Variants in NUP85 observed in about 807,000 individuals in gnomAD.
NUP85 encodes the protein nuclear pore complex protein Nup85.
Under a neutral mutation model 92.8 loss-of-function variants are expected in NUP85, and 23 were observed. The ratio of observed to expected loss-of-function variants is 0.25; its 90% confidence interval spans 0.18 to 0.35. The LOEUF is 0.35. NUP85 is among the 10% of genes least tolerant of loss of function. The pLI is 1.00. For missense variants in NUP85, 759 were observed against 822.8 expected (o/e 0.92, Z 0.95); for synonymous variants, 314 against 306.9 (o/e 1.02, Z -0.24).
Position 75,208,440 on chromosome 17 carries a change from CAAAAAAAAAAAAAAA to C in NUP85, c.34-79_34-65del, listed in dbSNP as rs10579016. The C allele has an allele frequency of 6.9e-6, 4 of 577,186 alleles. No homozygotes were observed. In the South Asian group the frequency reaches 7.1e-5, roughly 10 times the overall value. 35.8% of individuals were successfully genotyped at this position (577,186 alleles called of 1,614,324 possible). On this transcript the variant is annotated intron_variant, in intron 1 of 18. Coordinates refer to ENST00000245544, the MANE Select transcript of NUP85 (RefSeq NM_024844.5). ...AGCCTGTTAGAGTGAGTCTTTGTCT[CAAAAAAAAAAAAAAA>C]AAAAAAAGAATGGAACAACTTCAGT...
chr17:75,212,247 GTTTTTTTTT>G (rs1219393857), intron 4 of NUP85, among the ~76,000 whole-genome samples, 185 bp downstream of exon 4: 3 of 3,670 alleles, frequency 8.2e-4, no homozygotes, highest in African/African-American at 1.0e-3. Flanking sequence ...TTTTGTTGTT[GTTTTTTTTT>G]TTTTTTTTTT....
intron 16 of NUP85, among the ~76,000 whole-genome samples, chr17:75,234,128 T>C (rs954410024): frequency 2.7e-5 from 4 of 150,884 alleles, no homozygotes; most frequent in African/African-American, 9.8e-5. Context: ...CTTGGCTCAC[T>C]GCAACCTCCA....
intron 7 of NUP85, among the ~76,000 whole-genome samples, chr17:75,221,287 C>T (rs1384041715): frequency 3.9e-5 from 6 of 152,034 alleles, no homozygotes; most frequent in South Asian, 2.1e-4. Context: ...TATAGGCTCT[C>T]GCCATCCTGC....
intron 4 of NUP85, 92 bp from the exon 5 acceptor site, chr17:75,212,982 AAC>A: frequency 1.3e-5 from 16 of 1,192,018 alleles, no homozygotes; most frequent in Non-Finnish European, 1.9e-5. Context: ...CATTAAAATA[AAC>A]AGAGGCTCAA....
At position 75,231,184 on chromosome 17, in the gene NUP85, C is replaced by G; in HGVS notation, c.1095-156C>G. ...ACTCAGGTGATCTGCCTGCCTTGGC[C>G]TCCCAAAGTACTGGGATCACGGGCA... On this transcript the variant is annotated intron_variant, in intron 11 of 18. Coordinates refer to ENST00000245544, the MANE Select transcript of NUP85 (RefSeq NM_024844.5). This position sits in a 1 kb window ranked among gnomAD's most constrained non-coding sequence, Gnocchi z 4.6. The G allele has an allele frequency of 1.4e-6, 1 of 721,350 alleles. No homozygotes were observed. The highest frequency in any genetic ancestry group is 2.4e-6 in the Non-Finnish European group (1 of 419,216). 44.7% of individuals were successfully genotyped at this position (721,350 alleles called of 1,614,324 possible). A position where few individuals can be genotyped will look rare whatever the true frequency, so the allele number is the denominator to read the frequency against.
At chr17:75,225,065 C>A in intron 7 of NUP85, 38 bp from the exon 8 acceptor site, 1 of 1,513,310 alleles carries the variant, frequency 6.6e-7, no homozygotes, top group South Asian at 1.3e-5. Flanking sequence ...CAGGGCCAGG[C>A]CTCCTGCCAA....
rs367890118 is a variant in NUP85, at chr17:75,205,726, G to A, written c.-36G>A. Reference sequence around the variant, plus strand: ...GGAGGCCTGAGCGGGAAGCATTGGCGTCCGAGCGACTTCTAGGAGCCTGGG... The same window carrying A: ...GGAGGCCTGAGCGGGAAGCATTGGCATCCGAGCGACTTCTAGGAGCCTGGG... On this transcript the variant is annotated 5_prime_UTR_variant, in exon 1 of 19. Coordinates refer to ENST00000245544, the MANE Select transcript of NUP85 (RefSeq NM_024844.5). 7 of 1,613,834 alleles carry A rather than the reference G, an allele frequency of 4.3e-6. No homozygotes were observed. The highest frequency in any genetic ancestry group is 1.3e-5 in the African/African-American group (1 of 74,938).
At chr17:75,222,495 ATTTTTTTTTTTTT>A (rs578181379) in intron 7 of NUP85, among the ~76,000 whole-genome samples, 2 of 83,430 alleles carry the variant, frequency 2.4e-5, no homozygotes, top group African/African-American at 1.0e-4. Flanking sequence ...TATATTTGTG[ATTTTTTTTTTTTT>A]TTTTTTTTTT....
At position 75,233,399 on chromosome 17, in the gene NUP85, C is replaced by CTT. The variant is rs1458826841; in HGVS notation, c.1615+243_1615+244dup. ...TCTTTCTCTCTTTCTTTCTCTTTCT[C>CTT]TTTCTCTTTCTTTCTTTCTTCTTTT... On this transcript the variant is annotated intron_variant, in intron 16 of 18. Coordinates refer to ENST00000245544, the MANE Select transcript of NUP85 (RefSeq NM_024844.5). Among the ~76,000 whole-genome samples the CTT allele has an allele frequency of 6.5e-3, 850 of 129,858 alleles. 14 individuals are homozygous for CTT. The highest frequency in any genetic ancestry group is 0.025 in the African/African-American group (804 of 31,828). 85.2% of individuals were successfully genotyped at this position (129,858 alleles called of 152,430 possible).
Position 75,231,434 on chromosome 17 carries a change from G to A in NUP85, c.1178+11G>A, listed in dbSNP as rs78010571. 61,853 of 1,613,672 alleles carry A rather than the reference G, an allele frequency of 0.038. 1,413 individuals are homozygous for A. The highest frequency in any genetic ancestry group is 0.044 in the Non-Finnish European group (52,251 of 1,179,596). Reference sequence around the variant, plus strand: ...GTCACACAACCTCTAGTAAGTGGCCGGGAGGCACCGATCCTCCTCTTCTTA... The same window carrying A: ...GTCACACAACCTCTAGTAAGTGGCCAGGAGGCACCGATCCTCCTCTTCTTA... On this transcript the variant is annotated intron_variant, in intron 12 of 18. Coordinates refer to ENST00000245544, the MANE Select transcript of NUP85 (RefSeq NM_024844.5). The surrounding 1 kb of genome is among the most constrained non-coding windows in gnomAD (Gnocchi z 4.6).
Position 75,225,845 on chromosome 17 carries a change from G to A in NUP85, c.987+16G>A. ...CTATGCCCAGGTGAGTGAGCTCGGG[G>A]TGGGCAAGGGTGGGGGTAGGAGTCC... On this transcript the variant is annotated intron_variant, in intron 10 of 18. Transcript: ENST00000245544. 6.2e-7 allele frequency: 1 copy of A among 1,613,842 alleles called. No homozygotes were observed. The highest frequency in any genetic ancestry group is 8.5e-7 in the Non-Finnish European group (1 of 1,179,808).
At position 75,231,166 on chromosome 17, in the gene NUP85, T is replaced by C. The variant is rs949608868; in HGVS notation, c.1095-174T>C. The C allele has an allele frequency of 3.1e-6, 2 of 648,458 alleles. No individual in the cohort carries two copies. Among genetic ancestry groups the C allele is most frequent in the Non-Finnish European group, 5.5e-6 (2 of 364,444 alleles). 40.2% of individuals were successfully genotyped at this position (648,458 alleles called of 1,614,324 possible). The stretch of plus-strand genomic sequence containing the variant: ...CTGGTCTTAAATTCCTGGACTCAGG[T>C]GATCTGCCTGCCTTGGCCTCCCAAA... On this transcript the variant is annotated intron_variant, in intron 11 of 18. Coordinates refer to ENST00000245544, the MANE Select transcript of NUP85 (RefSeq NM_024844.5). The surrounding 1 kb of genome is among the most constrained non-coding windows in gnomAD (Gnocchi z 4.6).
chr17:75,225,655 C>A, intron 9 of NUP85, 43 bp from the exon 10 acceptor site: 1 of 1,610,208 alleles, frequency 6.2e-7, no homozygotes, highest in Non-Finnish European at 8.5e-7. Flanking sequence ...GAGAAGGTAC[C>A]CCTGAGAGGA....
chr17:75,217,230 T>G (rs1026878320), intron 6 of NUP85, among the ~76,000 whole-genome samples: 3 of 151,700 alleles, frequency 2.0e-5, no homozygotes, highest in Admixed American at 2.0e-4. Flanking sequence ...CGGCTAATTT[T>G]TGTATTTTTT....
intron 3 of NUP85, 48 bp from the exon 4 acceptor site, chr17:75,211,944 C>A: frequency 2.1e-6 from 3 of 1,432,838 alleles, no homozygotes; most frequent in Non-Finnish European, 2.0e-6. Context: ...CTTTGTGGCA[C>A]TACAAGATGT....
At position 75,226,068 on chromosome 17, in the gene NUP85, T is replaced by C. The variant is rs772853820; in HGVS notation, c.1005T>C (p.Phe335=). 9.3e-6 allele frequency: 15 copies of C among 1,614,046 alleles called. No individual in the cohort carries two copies. In the Admixed American group the frequency reaches 1.8e-4, roughly 20 times the overall value. The change falls in exon 11 of 19, where the codon TTT becomes TTC. Residue 335 remains phenylalanine (F), a synonymous_variant. Transcript: ENST00000245544. The part of the protein sequence containing the change: ...HYYAQSSLDL[F]LGGESSPEPL... ...TTCCACAGTCCAGCCTGGACCTGTT[T>C]CTGGGAGGTGAGAGCAGCCCAGAAC...
chr17:75,215,886 C>T lies in NUP85; in HGVS notation c.475+63C>T, dbSNP rs1003544276. 5.1e-6 allele frequency: 7 copies of T among 1,373,436 alleles called. No individual in the cohort carries two copies. In the South Asian group the frequency reaches 5.8e-5, roughly 11 times the overall value. 85.1% of individuals were successfully genotyped at this position (1,373,436 alleles called of 1,614,324 possible). ...CCCCTTCCATCTTCTGCTCTTTCCT[C>T]ATCTTTCCTGTGCATGGTGATGAGT... is the stretch of plus-strand genomic sequence containing the variant. On this transcript the variant is annotated intron_variant, in intron 6 of 18. Transcript: ENST00000245544.
chr17:75,231,172 G>C lies in NUP85; in HGVS notation c.1095-168G>C. ...TTAAATTCCTGGACTCAGGTGATCT[G>C]CCTGCCTTGGCCTCCCAAAGTACTG... On this transcript the variant is annotated intron_variant, in intron 11 of 18. Coordinates refer to ENST00000245544, the MANE Select transcript of NUP85 (RefSeq NM_024844.5). This position sits in a 1 kb window ranked among gnomAD's most constrained non-coding sequence, Gnocchi z 4.6. 1.5e-6 allele frequency: 1 copy of C among 664,634 alleles called. No individual in the cohort carries two copies. Among genetic ancestry groups the C allele is most frequent in the Admixed American group, 2.4e-5 (1 of 41,188 alleles). The allele number at this position is 664,634 out of a possible 1,614,324, so 41.2% of individuals were successfully genotyped here.
intron 5 of NUP85, among the ~76,000 whole-genome samples, chr17:75,214,505 T>G (rs1244585343): frequency 6.6e-6 from 1 of 152,226 alleles, no homozygotes; most frequent in Admixed American, 6.5e-5. Context: ...ATCTACTGAA[T>G]ATTCTTCTAA....
Sources: allele counts gnomAD v4.1 joint callset (sites outside exome capture counted in the v4.1 genomes callset), GRCh38; gene constraint gnomAD v4.1.1; non-coding constraint Gnocchi (gnomAD v3.1); transcripts MANE v1.5; gene names NCBI Gene and HGNC (gene_info 2026-07-23, HGNC 2026-07-21).